The following ITPKC variants were observed in gnomAD, a reference collection of about 807,000 sequenced individuals.
ITPKC encodes the protein inositol-trisphosphate 3-kinase C, also known as IP3 3-kinase C.
Under a neutral mutation model 67.1 loss-of-function variants are expected in ITPKC, and 33 were observed. That is an observed-to-expected ratio of 0.49 (90% CI 0.37 to 0.66). ITPKC has a LOEUF of 0.66. Ranked by LOEUF, ITPKC falls within the 30% of genes least tolerant of loss-of-function variation. The pLI is 0.00. For synonymous variants in ITPKC, 341 were observed against 359.8 expected (o/e 0.95, Z 0.59); for missense variants, 820 against 892.1 (o/e 0.92, Z 1.03).
intron 1 of ITPKC, among the ~76,000 whole-genome samples, chr19:40,719,002 G>C (rs2082208162): frequency 6.6e-6 from 1 of 152,132 alleles, no homozygotes; most frequent in East Asian, 1.9e-4. Flanking sequence ...CAGGAGGACC[G>C]GCCGGGCAGG....
intron 1 of ITPKC, among the ~76,000 whole-genome samples, chr19:40,722,732 T>TA (rs971637107): frequency 2.6e-5 from 4 of 152,208 alleles, no homozygotes; most frequent in Non-Finnish European, 4.4e-5. Context: ...GTCGGCATGA[T>TA]ACAACGAAAA....
rs577540935 is a variant in ITPKC at position 40,739,585 on chromosome 19, T to C, written c.*25T>C. On this transcript the variant is annotated 3_prime_UTR_variant, in exon 7 of 7. Transcript: ENST00000263370. ...AGCTGCTCAGCCACCATCAGGTTAATTGGATGGCGCCAGTCTGGCTGGAGG... is the reference window on the plus strand; with the variant it reads ...AGCTGCTCAGCCACCATCAGGTTAACTGGATGGCGCCAGTCTGGCTGGAGG... 5.8e-4 allele frequency: 931 copies of C among 1,597,262 alleles called. 9 individuals are homozygous for C. The South Asian group carries it at 8.7e-3, about 15-fold the overall frequency.
intron 2 of ITPKC, among the ~76,000 whole-genome samples, chr19:40,725,673 C>G (rs572485364): frequency 6.6e-6 from 1 of 152,322 alleles, no homozygotes; most frequent in South Asian, 2.1e-4. Context: ...GAGCTCAAAC[C>G]CTAGTTCTGC....
At chr19:40,730,758 A>G (rs2082267160) in intron 3 of ITPKC, among the ~76,000 whole-genome samples, 1 of 151,974 alleles carries the variant, frequency 6.6e-6, no homozygotes. Flanking sequence ...GAGACAGGCT[A>G]TTTAGGAAAA....
At chr19:40,729,145 G>A (rs2082258933) in intron 2 of ITPKC, 57 bp from the exon 3 acceptor site, 2 of 1,397,616 alleles carry the variant, frequency 1.4e-6, no homozygotes, top group African/African-American at 2.9e-5. Context: ...GGCAGCTGCG[G>A]AGAGGTTCTC....
rs1304345265 is a variant in ITPKC at position 40,739,734 on chromosome 19, C to T, written c.*174C>T. Reference sequence around the variant, plus strand: ...AAAAGTCTGAAGGGCCTTGGGAGACCAGGTAGCACCTGGCCCCATCATGAT... The same window carrying T: ...AAAAGTCTGAAGGGCCTTGGGAGACTAGGTAGCACCTGGCCCCATCATGAT... On this transcript the variant is annotated 3_prime_UTR_variant, in exon 7 of 7. Coordinates refer to ENST00000263370, the MANE Select transcript of ITPKC (RefSeq NM_025194.3). The T allele has an allele frequency of 3.3e-6, 2 of 602,982 alleles. No individual in the cohort carries two copies. The highest frequency in any genetic ancestry group is 3.0e-5 in the Admixed American group (1 of 33,630). The allele number at this position is 602,982 out of a possible 1,614,324, so 37.4% of individuals were successfully genotyped here. A position where few individuals can be genotyped will look rare whatever the true frequency, so the allele number is the denominator to read the frequency against.
Position 40,718,278 on chromosome 19 carries a change from G to C in ITPKC, c.1143G>C (p.Glu381Asp). The C allele has an allele frequency of 2.6e-6, 4 of 1,517,672 alleles. No homozygotes were observed. The highest frequency in any genetic ancestry group is 2.6e-6 in the Non-Finnish European group (3 of 1,138,896). 94.0% of individuals were successfully genotyped at this position (1,517,672 alleles called of 1,614,324 possible). The change falls in exon 1 of 7, where the codon GAG becomes GAC. Residue 381 changes from glutamate to aspartate, a missense_variant. Physicochemically the swap from Glu to Asp is conservative, Grantham distance 45. Coordinates refer to ENST00000263370, the MANE Select transcript of ITPKC (RefSeq NM_025194.3). ...VAGGGGASDP[E>D]DRSGSKPWKK... ...GGGGCGGAGGTGCCAGCGATCCCGA[G>C]GACAGGTCTGGGGTGAGTGGGACCC...
chr19:40,735,401 C>T (rs1200765219), intron 4 of ITPKC, among the ~76,000 whole-genome samples: 1 of 151,278 alleles, frequency 6.6e-6, no homozygotes, highest in East Asian at 1.9e-4. Context: ...AGTACAGTGG[C>T]GCGATCACAG....
chr19:40,724,048 C>T (rs1049085630), intron 1 of ITPKC, among the ~76,000 whole-genome samples: 14 of 152,174 alleles, frequency 9.2e-5, no homozygotes, highest in Admixed American at 3.9e-4. Flanking sequence ...GGGGAACAAA[C>T]GTGGCGAGTC....
Position 40,717,201 on chromosome 19 carries a change from C to T in ITPKC, c.66C>T (p.Ala22=). The T allele has an allele frequency of 8.2e-7, 1 of 1,224,532 alleles. No homozygotes were observed. Among genetic ancestry groups the T allele is most frequent in the Non-Finnish European group, 1.0e-6 (1 of 983,650 alleles). The allele number at this position is 1,224,532 out of a possible 1,614,324, so 75.9% of individuals were successfully genotyped here. The stretch of plus-strand genomic sequence containing the variant: ...AGGCCGGGGCGCTGCCCGCGGCGGC[C>T]CGCATGGGACTGGAGGCGCCGCGAG... The part of the protein sequence containing the change: ...EAEAGALPAA[A]RMGLEAPRGG... The change falls in exon 1 of 7, where the codon GCC becomes GCT. Residue 22 remains alanine, a synonymous_variant. Coordinates refer to ENST00000263370, the MANE Select transcript of ITPKC (RefSeq NM_025194.3).
chr19:40,719,549 G>T (rs151035706), intron 1 of ITPKC, among the ~76,000 whole-genome samples: 3,590 of 151,832 alleles, frequency 0.024, 53 homozygotes, highest in Non-Finnish European at 0.035. Context: ...GAGTGCAGTG[G>T]TGCCATCTCG....
At chr19:40,735,927 C>T (rs562797235) in intron 4 of ITPKC, among the ~76,000 whole-genome samples, 23 of 152,356 alleles carry the variant, frequency 1.5e-4, no homozygotes, top group Admixed American at 1.4e-3. Context: ...GACACCAACA[C>T]AATTCCCGTT....
rs369117388 is a variant in ITPKC at position 40,737,687 on chromosome 19, C to G, written c.1777-11C>G. On this transcript the variant is annotated splice_polypyrimidine_tract_variant and intron_variant, in intron 5 of 6. Coordinates refer to ENST00000263370, the MANE Select transcript of ITPKC (RefSeq NM_025194.3). Reference sequence around the variant, plus strand: ...CCCCATGCTAACCAAAGAACGCTCCCTGTCACACAGCAAAAGTACGTGGCA... The same window carrying G: ...CCCCATGCTAACCAAAGAACGCTCCGTGTCACACAGCAAAAGTACGTGGCA... 1.2e-4 allele frequency: 197 copies of G among 1,613,698 alleles called. No homozygotes were observed. Among genetic ancestry groups the G allele is most frequent in the Non-Finnish European group, 1.6e-4 (189 of 1,179,740 alleles).
Position 40,717,386 on chromosome 19 carries a change from G to T in ITPKC, c.251G>T (p.Ser84Ile), listed in dbSNP as rs772973828. ...AGLGPAPGTE[S>I]PQAEFWTDGQ... ...CTCGGGCCTGCGCCGGGGACAGAGA[G>T]TCCGCAGGCAGAATTCTGGACAGAC... The change falls in exon 1 of 7, where the codon AGT becomes ATT. Residue 84 changes from serine to isoleucine, a missense_variant. Transcript: ENST00000263370. The T allele has an allele frequency of 3.7e-6, 6 of 1,613,256 alleles. No individual in the cohort carries two copies. In the African/African-American group the frequency reaches 8.0e-5, roughly 22 times the overall value.
rs777429333 is a variant in ITPKC at position 40,718,036 on chromosome 19, G to A, written c.901G>A (p.Gly301Ser). The A allele has an allele frequency of 1.7e-5, 27 of 1,613,994 alleles. No homozygotes were observed. The highest frequency in any genetic ancestry group is 1.9e-5 in the Non-Finnish European group (23 of 1,180,018). The stretch of plus-strand genomic sequence containing the variant: ...CTGCCTCTTGGGAGAGCCTGAGGAT[G>A]GCCCATTAGAGGAACCAGAGCCTGG... ...TDCLLGEPED[G>S]PLEEPEPGEL... The change falls in exon 1 of 7, where the codon GGC (glycine) becomes AGC (serine). Residue 301 changes from glycine (G) to serine (S), a missense_variant. Around this residue, in one of 2 missense-constraint regions of ITPKC, gnomAD observed 481 missense variants for 470.1 expected, o/e 1.02. Transcript: ENST00000263370.
intron 2 of ITPKC, 29 bp from the exon 3 acceptor site, chr19:40,729,173 G>C (rs769122852): frequency 6.3e-7 from 1 of 1,581,116 alleles, no homozygotes; most frequent in South Asian, 1.1e-5. Context: ...TCCAGTTCCT[G>C]ATCCTCTCAT....
At chr19:40,725,516 C>T in intron 2 of ITPKC, 77 bp downstream of exon 2, 2 of 991,536 alleles carry the variant, frequency 2.0e-6, no homozygotes, top group South Asian at 2.6e-5. Context: ...TAGTTTAGTT[C>T]CCCCACCTAG....
chr19:40,725,488 G>T (rs1162248758), intron 2 of ITPKC, 49 bp downstream of exon 2: 5 of 1,239,924 alleles, frequency 4.0e-6, no homozygotes, highest in Non-Finnish European at 6.0e-6. Context: ...CCTGGGCCAG[G>T]GAAAGGGATG....
rs560982738 is a variant in ITPKC, at chr19:40,717,495, C to G, written c.360C>G (p.Leu120=). Residue 120 remains leucine (L), a synonymous_variant, in exon 1 of 7, where the codon CTC becomes CTG. Coordinates refer to ENST00000263370, the MANE Select transcript of ITPKC (RefSeq NM_025194.3). ...KQKTEPDRSS[L]RTHLEWSWSE... ...AGACGGAGCCAGACAGGTCCAGCCT[C>G]CGGACGCATCTAGAATGGAGCTGGT... 6.2e-7 allele frequency: 1 copy of G among 1,614,124 alleles called. No individual in the cohort carries two copies. The highest frequency in any genetic ancestry group is 2.2e-5 in the East Asian group (1 of 44,862).
Sources: gnomAD v4.1 joint callset for allele counts (sites outside exome capture counted in the v4.1 genomes callset) on GRCh38, gnomAD v4.1.1 for gene constraint, gnomAD v4.1.1 regional missense constraint, MANE v1.5 for transcripts, NCBI Gene and HGNC (gene_info 2026-07-23, HGNC 2026-07-21) for gene names.